TCF12: variants seen among roughly 807,000 people sequenced by gnomAD.
The protein encoded by TCF12 is transcription factor 12.
TCF12 carries 45 observed loss-of-function variants against 86.0 expected under a neutral mutation model. That is an observed-to-expected ratio of 0.52 (90% CI 0.41 to 0.67). The LOEUF is 0.67. Ranked by LOEUF, TCF12 falls within the 30% of genes least tolerant of loss-of-function variation. The pLI, the probability that TCF12 is intolerant of heterozygous loss-of-function variation, is 0.00. For missense variants in TCF12, 881 were observed against 859.9 expected (o/e 1.02, Z -0.31); for synonymous variants, 330 against 299.6 (o/e 1.10, Z -1.05).
At chr15:56,956,161 C>T (rs1300594415) in intron 3 of TCF12, among the ~76,000 whole-genome samples, 1 of 151,460 alleles carries the variant, frequency 6.6e-6, no homozygotes, top group Non-Finnish European at 1.5e-5. Context: ...TTGGGTTCTG[C>T]GTTTTTTATC....
At chr15:57,237,921 T>C (rs1423434047) in intron 12 of TCF12, among the ~76,000 whole-genome samples, 1 of 152,208 alleles carries the variant, frequency 6.6e-6, no homozygotes, top group African/African-American at 2.4e-5. Context: ...AAATGTTGTA[T>C]TGCTCCTCCT....
chr15:56,940,621 T>G (rs1009210145), intron 3 of TCF12, among the ~76,000 whole-genome samples: 6 of 147,828 alleles, frequency 4.1e-5, no homozygotes, highest in Non-Finnish European at 9.0e-5. Flanking sequence ...CTTCTCCCTC[T>G]CCTCCTTCTC....
At chr15:57,167,014 C>T (rs560141649) in intron 6 of TCF12, among the ~76,000 whole-genome samples, 6 of 152,218 alleles carry the variant, frequency 3.9e-5, no homozygotes, top group African/African-American at 9.6e-5. Context: ...ATCCTGAACA[C>T]ACAATTCACC....
chr15:57,169,157 A>G (rs758978921), intron 6 of TCF12, among the ~76,000 whole-genome samples: 36 of 152,322 alleles, frequency 2.4e-4, no homozygotes, highest in Non-Finnish European at 1.0e-4. Context: ...AAGCTGTGCA[A>G]ACTGCCTCTG....
chr15:57,102,523 A>G (rs1308148095), intron 5 of TCF12, among the ~76,000 whole-genome samples: 1 of 151,938 alleles, frequency 6.6e-6, no homozygotes, highest in African/African-American at 2.4e-5. Flanking sequence ...ACTTGAACCC[A>G]GGAGGCAGAG....
At chr15:57,284,821 C>T (rs1161438055) in intron 20 of TCF12, among the ~76,000 whole-genome samples, 1 of 152,196 alleles carries the variant, frequency 6.6e-6, no homozygotes, top group African/African-American at 2.4e-5. Context: ...CTGTTTACTT[C>T]CTGTGCTTTT....
intron 5 of TCF12, among the ~76,000 whole-genome samples, chr15:57,136,084 A>T (rs2052497613): frequency 6.6e-6 from 1 of 152,190 alleles, no homozygotes; most frequent in Admixed American, 6.5e-5. Context: ...ATTATGTGGA[A>T]ATCTATAATT....
chr15:57,096,368 G>A (rs186760302), intron 5 of TCF12, among the ~76,000 whole-genome samples: 5 of 152,032 alleles, frequency 3.3e-5, no homozygotes, highest in African/African-American at 9.6e-5. Flanking sequence ...TTTTCTGTAG[G>A]ACACTGGGAA....
intron 3 of TCF12, among the ~76,000 whole-genome samples, chr15:56,987,606 T>C (rs1477802400): frequency 2.6e-5 from 4 of 152,226 alleles, no homozygotes; most frequent in Non-Finnish European, 4.4e-5. Context: ...CTTCACTGCT[T>C]TACAGTTTTG....
rs1212028182 is a variant in TCF12, at chr15:57,288,701, T to TAA, written c.*2556_*2557insAA. The TAA allele has an allele frequency of 6.6e-6, 1 of 152,246 alleles. No homozygotes were observed. Among genetic ancestry groups the TAA allele is most frequent in the Non-Finnish European group, 1.5e-5 (1 of 68,050 alleles). 9.4% of individuals were successfully genotyped at this position (152,246 alleles called of 1,614,324 possible). A position where few individuals can be genotyped will look rare whatever the true frequency, so the allele number is the denominator to read the frequency against. On this transcript the variant is annotated 3_prime_UTR_variant, in exon 21 of 21. Coordinates refer to ENST00000333725, the MANE Select transcript of TCF12 (RefSeq NM_207037.2). ...AGTTGGCAATCTGGTCTAGAGCTTC[T>TAA]CTAGCTTGTGCTTTTCTCCTCTTGC...
chr15:57,083,000 A>G (rs1483114400), intron 4 of TCF12, among the ~76,000 whole-genome samples: 2 of 152,322 alleles, frequency 1.3e-5, no homozygotes, highest in East Asian at 3.9e-4. Flanking sequence ...CCAGTGCTAC[A>G]CGTTGTCAGC....
chr15:57,253,617 T>C, intron 16 of TCF12, 149 bp downstream of exon 16: 3 of 860,440 alleles, frequency 3.5e-6, no homozygotes, highest in Non-Finnish European at 3.5e-6. Context: ...CAGTAAAGTA[T>C]TGGCTAAGTA....
chr15:57,115,751 A>G (rs190277889), intron 5 of TCF12, among the ~76,000 whole-genome samples: 2 of 152,274 alleles, frequency 1.3e-5, no homozygotes, highest in Admixed American at 1.3e-4. Context: ...GAGAAAGGTC[A>G]GTCATTTTGG....
At position 57,194,422 on chromosome 15, in the gene TCF12, A is replaced by G. The variant is rs1690557501; in HGVS notation, c.526+2129A>G. On this transcript the variant is annotated intron_variant, in intron 7 of 20. Transcript: ENST00000333725. ...GTTCTCTTGGTGCCCAGGGAGGTCC[A>G]CCGATTTCCTGTGTAAATGTCATTT... is the stretch of plus-strand genomic sequence containing the variant. Among the ~76,000 whole-genome samples the G allele has an allele frequency of 2.0e-5, 3 of 152,156 alleles. No individual in the cohort carries two copies. The South Asian group carries it at 6.2e-4, about 32-fold the overall frequency.
At chr15:56,960,103 A>G (rs1426223481) in intron 3 of TCF12, among the ~76,000 whole-genome samples, 1 of 152,228 alleles carries the variant, frequency 6.6e-6, no homozygotes, top group Non-Finnish European at 1.5e-5. Flanking sequence ...TTGAAAATGC[A>G]TTCGTCAAAT....
At chr15:57,094,375 T>G (rs2049179063) in intron 5 of TCF12, among the ~76,000 whole-genome samples, 1 of 152,210 alleles carries the variant, frequency 6.6e-6, no homozygotes, top group Non-Finnish European at 1.5e-5. Context: ...TCAAATGAGG[T>G]ACCTTAGTGT....
chr15:57,044,234 G>A (rs2067079696), intron 3 of TCF12, among the ~76,000 whole-genome samples: 2 of 152,058 alleles, frequency 1.3e-5, no homozygotes, highest in South Asian at 4.1e-4. Flanking sequence ...TCTAATATAA[G>A]CTCTGCTATT....
chr15:57,057,991 G>A (rs2068163752), intron 3 of TCF12, among the ~76,000 whole-genome samples: 1 of 152,158 alleles, frequency 6.6e-6, no homozygotes, highest in South Asian at 2.1e-4. Flanking sequence ...GGTACGTTGG[G>A]AGGGCCCTTC....
intron 6 of TCF12, among the ~76,000 whole-genome samples, chr15:57,182,737 C>G (rs1319804130): frequency 2.6e-5 from 4 of 152,098 alleles, no homozygotes; most frequent in Non-Finnish European, 1.5e-5. Flanking sequence ...AAAGGTTTAT[C>G]AACACTAAAA....
Sources: gnomAD v4.1 joint callset for allele counts (sites outside exome capture counted in the v4.1 genomes callset) on GRCh38, gnomAD v4.1.1 for gene constraint, MANE v1.5 for transcripts, NCBI Gene and HGNC (gene_info 2026-07-23, HGNC 2026-07-21) for gene names.